Variants in PCDHGA4 observed in about 807,000 individuals in gnomAD.
PCDHGA4 encodes the protein protocadherin gamma-A4.
PCDHGA4 carries 38 observed loss-of-function variants against 54.6 expected under a neutral mutation model. The ratio of observed to expected loss-of-function variants is 0.70; its 90% confidence interval spans 0.54 to 0.91. PCDHGA4 has a LOEUF of 0.91. PCDHGA4 is among the 40% of genes least tolerant of loss of function. PCDHGA4 has a pLI of 0.00. For missense variants in PCDHGA4, 1,298 were observed against 1,220.9 expected (o/e 1.06, Z -0.94); for synonymous variants, 511 against 512.9 (o/e 1.00, Z 0.05).
intron 1 of PCDHGA4, among the ~76,000 whole-genome samples, chr5:141,452,137 GT>G (rs2098734666): frequency 6.6e-6 from 1 of 152,044 alleles, no homozygotes; most frequent in Non-Finnish European, 1.5e-5. Flanking sequence ...TGGCTCATGT[GT>G]TTTTTCCAAT....
In PCDHGA4 at chr5:141,427,737, G is replaced by C. The variant is rs1460682938; in HGVS notation, c.2515-67070G>C. 2.5e-6 allele frequency: 3 copies of C among 1,223,986 alleles called. No homozygotes were observed. The African/African-American group carries it at 4.4e-5, about 18-fold the overall frequency. 75.8% of individuals were successfully genotyped at this position (1,223,986 alleles called of 1,614,324 possible). A position where few individuals can be genotyped will look rare whatever the true frequency, so the allele number is the denominator to read the frequency against. On this transcript the variant is annotated intron_variant, in intron 1 of 3. Coordinates refer to ENST00000571252, the MANE Select transcript of PCDHGA4 (RefSeq NM_018917.4). The stretch of plus-strand genomic sequence containing the variant: ...CCTGGACCTAGGGCTGAATGGCCAA[G>C]TCTCCTACTCCATCGTTACCACTGA...
intron 2 of PCDHGA4, among the ~76,000 whole-genome samples, chr5:141,497,977 G>A (rs1368982839): frequency 6.6e-6 from 1 of 152,216 alleles, no homozygotes; most frequent in Admixed American, 6.5e-5. Context: ...CTCGATGTGG[G>A]AGGCCCCTGC....
chr5:141,472,556 T>A (rs2099287889), intron 1 of PCDHGA4, among the ~76,000 whole-genome samples: 1 of 151,628 alleles, frequency 6.6e-6, no homozygotes, highest in South Asian at 2.1e-4. Flanking sequence ...AAAAAAATTA[T>A]ATTATAAATG....
intron 1 of PCDHGA4, chr5:141,389,373 C>T (rs1561624770): frequency 3.1e-6 from 5 of 1,613,756 alleles, no homozygotes; most frequent in Non-Finnish European, 4.2e-6. Flanking sequence ...CCTGGAGCAG[C>T]GGGAGCTGTC....
rs761106133 is a variant in PCDHGA4 at position 141,432,117 on chromosome 5, C to A, written c.2515-62690C>A. 1 of 1,614,180 alleles carries A rather than the reference C, an allele frequency of 6.2e-7. No individual in the cohort carries two copies. Among genetic ancestry groups the A allele is most frequent in the Admixed American group, 1.7e-5 (1 of 60,024 alleles). ...ACCAACGACAACCCGCCGGTCTTCC[C>A]TCAGGCCTCCTATTCCGCTTATATC... On this transcript the variant is annotated intron_variant, in intron 1 of 3. Transcript: ENST00000571252. The surrounding 1 kb of genome is among the most constrained non-coding windows in gnomAD (Gnocchi z 6.0).
intron 2 of PCDHGA4, 79 bp downstream of exon 2, chr5:141,494,944 C>T: frequency 1.9e-6 from 3 of 1,609,850 alleles, no homozygotes; most frequent in Non-Finnish European, 2.5e-6. Context: ...TGGGGGAGGG[C>T]CCAGCATTTG....
chr5:141,491,253 T>C lies in PCDHGA4; in HGVS notation c.2515-3554T>C, dbSNP rs71583648. The C allele has an allele frequency of 2.3e-3, 3,639 of 1,614,176 alleles. 33 individuals carry two copies. The African/African-American group carries it at 0.026, about 11-fold the overall frequency. Reference sequence around the variant, plus strand: ...TGCTGGTTCTGGAGGATGAGGACCCTGAGGAAATGCCCAAATCCAGTGACT... The same window carrying C: ...TGCTGGTTCTGGAGGATGAGGACCCCGAGGAAATGCCCAAATCCAGTGACT... On this transcript the variant is annotated intron_variant, in intron 1 of 3. Coordinates refer to ENST00000571252, the MANE Select transcript of PCDHGA4 (RefSeq NM_018917.4). This position sits in a 1 kb window ranked among gnomAD's most constrained non-coding sequence, Gnocchi z 6.9.
chr5:141,448,394 T>A (rs1360417681), intron 1 of PCDHGA4, among the ~76,000 whole-genome samples: 2 of 152,206 alleles, frequency 1.3e-5, no homozygotes, highest in Admixed American at 6.5e-5. Context: ...TACATTTACA[T>A]GGTTTTAAAA....
chr5:141,357,537 C>T lies in PCDHGA4; in HGVS notation c.2430C>T (p.Leu810=), dbSNP rs951939582. The stretch of plus-strand genomic sequence containing the variant: ...CCCAACCCAGCTATGCAGACACGCT[C>T]ATCAGCCGGGAGAGTTGTGAGAAAA... The part of the protein sequence containing the change: ...IFSQPSYADT[L]ISRESCEKSE... The change falls in exon 1 of 4, where the codon CTC becomes CTT. Residue 810 remains leucine (L), a synonymous_variant. Transcript: ENST00000571252. 4 of 1,614,116 alleles carry T rather than the reference C, an allele frequency of 2.5e-6. No individual in the cohort carries two copies. In the African/African-American group the frequency reaches 5.3e-5, roughly 22 times the overall value.
At chr5:141,472,980 CAAA>C (rs60579131) in intron 1 of PCDHGA4, among the ~76,000 whole-genome samples, 10 of 86,092 alleles carry the variant, frequency 1.2e-4, no homozygotes, top group Non-Finnish European at 1.2e-4. Context: ...GAGTGAAACT[CAAA>C]AAAAAAAAAA....
At chr5:141,443,953 T>C (rs1373953428) in intron 1 of PCDHGA4, among the ~76,000 whole-genome samples, 1 of 152,142 alleles carries the variant, frequency 6.6e-6, no homozygotes, top group Non-Finnish European at 1.5e-5. Context: ...CTTATTGGTA[T>C]GTATTCTGTG....
chr5:141,366,489 A>C (rs1280216684), intron 1 of PCDHGA4: 1 of 1,614,236 alleles, frequency 6.2e-7, no homozygotes, highest in Non-Finnish European at 8.5e-7. Flanking sequence ...AGGCGCTGGC[A>C]CAAGTCACGC....
chr5:141,400,011 G>A (rs200842238), intron 1 of PCDHGA4: 35 of 1,612,624 alleles, frequency 2.2e-5, no homozygotes, highest in African/African-American at 4.0e-5. Context: ...CGCGTGCCTT[G>A]GGCGACAGGG....
At chr5:141,399,821 C>T in intron 1 of PCDHGA4, 1 of 1,613,210 alleles carries the variant, frequency 6.2e-7, no homozygotes, top group Non-Finnish European at 8.5e-7. Flanking sequence ...GCGCTGGGTC[C>T]CGACGGCTCT....
intron 1 of PCDHGA4, among the ~76,000 whole-genome samples, chr5:141,443,609 T>C (rs2098396115): frequency 1.3e-5 from 2 of 152,260 alleles, no homozygotes; most frequent in African/African-American, 4.8e-5. Flanking sequence ...GAAATGTTCT[T>C]ATAATCAGGT....
At chr5:141,445,767 T>C (rs2098476828) in intron 1 of PCDHGA4, among the ~76,000 whole-genome samples, 1 of 152,142 alleles carries the variant, frequency 6.6e-6, no homozygotes, top group African/African-American at 2.4e-5. Flanking sequence ...ACTCAAGCAA[T>C]TTAAAAGGGC....
chr5:141,412,930 C>A, intron 1 of PCDHGA4: 1 of 451,594 alleles, frequency 2.2e-6, no homozygotes, highest in Non-Finnish European at 3.9e-6. Context: ...GCAGTAACTT[C>A]TTAGGACTCT....
intron 1 of PCDHGA4, chr5:141,375,541 A>G (rs566370523): frequency 1.2e-6 from 2 of 1,613,786 alleles, no homozygotes; most frequent in South Asian, 2.2e-5. Context: ...AGAACGCCCA[A>G]GTCTCCTACT....
intron 1 of PCDHGA4, among the ~76,000 whole-genome samples, chr5:141,363,931 C>G (rs1415592577): frequency 6.6e-6 from 1 of 152,126 alleles, no homozygotes; most frequent in African/African-American, 2.4e-5. Flanking sequence ...GTATTGAGAT[C>G]TAATAATCAT....
Sources: allele counts gnomAD v4.1 joint callset (sites outside exome capture counted in the v4.1 genomes callset), GRCh38; gene constraint gnomAD v4.1.1; non-coding constraint Gnocchi (gnomAD v3.1); transcripts MANE v1.5; gene names NCBI Gene and HGNC (gene_info 2026-07-23, HGNC 2026-07-21).